Variants in FRZB observed in about 807,000 individuals in gnomAD.
The protein encoded by FRZB is frizzled related protein, also known as secreted frizzled-related protein 3.
In FRZB, 34 loss-of-function variants were observed where a neutral mutation model predicts 32.5. The observed-to-expected ratio is 1.05, with a 90% CI of 0.80 to 1.39. FRZB has a LOEUF of 1.39. Ranked by LOEUF, FRZB falls within the 40% of genes most tolerant of loss-of-function variation. FRZB has a pLI of 0.00. For synonymous variants in FRZB, 170 were observed against 159.2 expected, an observed-to-expected ratio of 1.07 and a Z score of -0.51; for missense variants, 423 against 424.8, an observed-to-expected ratio of 1.00 and a Z score of 0.04.
At chr2:182,838,101 A>T in intron 4 of FRZB, 90 bp from the exon 5 acceptor site, 1 of 1,005,060 alleles carries the variant, frequency 9.9e-7, no homozygotes, top group Non-Finnish European at 1.5e-6. Flanking sequence ...AGAAAGACTT[A>T]TATGTTTATT....
chr2:182,858,445 T>C (rs550484743), intron 2 of FRZB, among the ~76,000 whole-genome samples: 1 of 152,270 alleles, frequency 6.6e-6, no homozygotes, highest in Non-Finnish European at 1.5e-5. Context: ...GATGAGTGAT[T>C]GCCAGTGGAT....
chr2:182,851,222 C>T (rs534726678), intron 2 of FRZB, among the ~76,000 whole-genome samples: 3 of 152,242 alleles, frequency 2.0e-5, no homozygotes, highest in African/African-American at 7.2e-5. Flanking sequence ...AGCTTTTTGG[C>T]AGGACAAATC....
intron 5 of FRZB, among the ~76,000 whole-genome samples, chr2:182,835,651 G>C (rs947144161): frequency 2.6e-5 from 4 of 152,136 alleles, no homozygotes; most frequent in African/African-American, 9.7e-5. Context: ...TATATTACAT[G>C]AGGATAGGTA....
intron 2 of FRZB, among the ~76,000 whole-genome samples, chr2:182,850,157 T>TA (rs1695694250): frequency 7.0e-6 from 1 of 142,806 alleles, no homozygotes; most frequent in Non-Finnish European, 1.5e-5. Flanking sequence ...GATATTTTCA[T>TA]ACATTCATAT....
intron 2 of FRZB, among the ~76,000 whole-genome samples, chr2:182,856,199 G>A (rs1695766419): frequency 6.6e-6 from 1 of 151,664 alleles, no homozygotes; most frequent in Non-Finnish European, 1.5e-5. Context: ...AATACCAGAA[G>A]GAAGTATGGA....
Position 182,866,118 on chromosome 2 carries a change from G to T in FRZB, c.435C>A (p.Gly145=), listed in dbSNP as rs577841013. 3 of 1,613,978 alleles carry T rather than the reference G, an allele frequency of 1.9e-6. No individual in the cohort carries two copies. Among genetic ancestry groups the T allele is most frequent in the Non-Finnish European group, 2.5e-6 (3 of 1,179,932 alleles). Residue 145 remains glycine, a synonymous_variant, in exon 1 of 6, where the codon GGC becomes GGA. Coordinates refer to ENST00000295113, the MANE Select transcript of FRZB (RefSeq NM_001463.4). The surrounding 1 kb of genome is among the most constrained non-coding windows in gnomAD (Gnocchi z 4.5). ...CGATGGCCTCGGGAGAGATGCACAC[G>T]CCCCTGTCGTACACTGGCAGCTCCT... ...ACEELPVYDR[G]VCISPEAIVT...
chr2:182,833,872 T>C lies in FRZB; in HGVS notation c.*977A>G, dbSNP rs16823797. 0.13 allele frequency: 20,186 copies of C among 152,064 alleles called. 2,115 individuals carry two copies. Among genetic ancestry groups the C allele is most frequent in the African/African-American group, 0.29 (11,974 of 41,446 alleles). The allele number at this position is 152,064 out of a possible 1,614,324, so 9.4% of individuals were successfully genotyped here. A position where few individuals can be genotyped will look rare whatever the true frequency, so the allele number is the denominator to read the frequency against. ...AAAAACAAAAACAAAAAAACCTGCA[T>C]ATTTTATCACTCTGTAATCTACAGC... is the stretch of plus-strand genomic sequence containing the variant. On this transcript the variant is annotated 3_prime_UTR_variant, in exon 6 of 6. Coordinates refer to ENST00000295113, the MANE Select transcript of FRZB (RefSeq NM_001463.4).
At chr2:182,861,798 A>G (rs1316813945) in intron 1 of FRZB, among the ~76,000 whole-genome samples, 1 of 152,228 alleles carries the variant, frequency 6.6e-6, no homozygotes, top group Non-Finnish European at 1.5e-5. Context: ...TGTAGCAACA[A>G]CTATTTGAAG....
At chr2:182,849,085 G>A (rs1260126034) in intron 2 of FRZB, among the ~76,000 whole-genome samples, 1 of 152,070 alleles carries the variant, frequency 6.6e-6, no homozygotes, top group Non-Finnish European at 1.5e-5. Context: ...AAATTAGCCG[G>A]GCGTGGTGGC....
chr2:182,858,378 G>A (rs7588977), intron 2 of FRZB, among the ~76,000 whole-genome samples: 1,737 of 152,274 alleles, frequency 0.011, 40 homozygotes, highest in African/African-American at 0.039. Flanking sequence ...CGTACTGTCA[G>A]TCTGTCTATA....
intron 2 of FRZB, among the ~76,000 whole-genome samples, chr2:182,856,253 A>G (rs904561530): frequency 6.6e-5 from 10 of 152,068 alleles, no homozygotes; most frequent in Non-Finnish European, 1.3e-4. Context: ...AAACATCTGT[A>G]AAAATACAGT....
At chr2:182,835,149 A>T (rs1280711795) in intron 5 of FRZB, among the ~76,000 whole-genome samples, 184 bp from the exon 6 acceptor site, 2 of 152,138 alleles carry the variant, frequency 1.3e-5, no homozygotes, top group African/African-American at 2.4e-5. Context: ...TTATTCTCTG[A>T]CTTTAACAAG....
At chr2:182,843,995 C>G (rs1024202855) in intron 2 of FRZB, among the ~76,000 whole-genome samples, 9 of 151,948 alleles carry the variant, frequency 5.9e-5, no homozygotes, top group Non-Finnish European at 1.0e-4. Context: ...CTTTTGTTGA[C>G]CACTTGTATT....
chr2:182,854,419 G>A (rs1161530517), intron 2 of FRZB, among the ~76,000 whole-genome samples: 1 of 152,136 alleles, frequency 6.6e-6, no homozygotes, highest in African/African-American at 2.4e-5. Flanking sequence ...ACTGGGGGGA[G>A]AAAATAATAC....
At chr2:182,857,827 C>T (rs908936990) in intron 2 of FRZB, among the ~76,000 whole-genome samples, 4 of 151,888 alleles carry the variant, frequency 2.6e-5, no homozygotes, top group African/African-American at 9.7e-5. Context: ...AGAAAACAAC[C>T]CAACTTAAAA....
chr2:182,854,378 C>T (rs1029229551), intron 2 of FRZB, among the ~76,000 whole-genome samples: 4 of 152,084 alleles, frequency 2.6e-5, no homozygotes, highest in Non-Finnish European at 5.9e-5. Context: ...AACATAAGAA[C>T]TCTAAAACGT....
At chr2:182,863,909 C>T (rs1038572765) in intron 1 of FRZB, among the ~76,000 whole-genome samples, 3 of 152,160 alleles carry the variant, frequency 2.0e-5, no homozygotes, top group Admixed American at 1.3e-4. Flanking sequence ...TCCACCTCCC[C>T]CCACCTTTGA....
At chr2:182,858,961 A>G in intron 1 of FRZB, 128 bp from the exon 2 acceptor site, 1 of 743,300 alleles carries the variant, frequency 1.3e-6, no homozygotes, top group Non-Finnish European at 2.3e-6. Context: ...GTAGATTTTT[A>G]TTAACGTCAT....
rs549801304 is a variant in FRZB, at chr2:182,835,902, T to C, written c.862-937A>G. 2.0e-5 allele frequency among the ~76,000 whole-genome samples: 3 copies of C among 152,212 alleles called. No individual in the cohort carries two copies. The South Asian group carries it at 6.2e-4, about 32-fold the overall frequency. On this transcript the variant is annotated intron_variant, in intron 5 of 5. Transcript: ENST00000295113. The stretch of plus-strand genomic sequence containing the variant: ...AATTCTAACTCCACCACTTACTGTG[T>C]GAAGTTTCTTGAACTTACTAGACCT...
Sources: allele counts gnomAD v4.1 joint callset (sites outside exome capture counted in the v4.1 genomes callset), GRCh38; gene constraint gnomAD v4.1.1; non-coding constraint Gnocchi (gnomAD v3.1); transcripts MANE v1.5; gene names NCBI Gene and HGNC (gene_info 2026-07-23, HGNC 2026-07-21).